Variants in SF3B1 observed in about 807,000 individuals in gnomAD.
SF3B1 encodes the protein pre-mRNA processing 10.
A neutral mutation model predicts 153.8 loss-of-function variants in SF3B1; 12 were observed. That is an observed-to-expected ratio of 0.08 (90% CI 0.05 to 0.13). The LOEUF (loss-of-function observed/expected upper bound fraction) is 0.13. Among genes scored for constraint, SF3B1 ranks in the 10% least tolerant of loss-of-function variants. The probability of loss-of-function intolerance (pLI) is 1.00; values close to 1 mark genes in which losing one functional copy is unlikely to be tolerated. For missense variants in SF3B1, 513 were observed against 1,606.1 expected (o/e 0.32, Z 11.63); for synonymous variants, 498 against 525.2 (o/e 0.95, Z 0.71).
chr2:197,434,930 C>T (rs2106031085), intron 1 of SF3B1, 42 bp downstream of exon 1: 2 of 1,593,610 alleles, frequency 1.3e-6, no homozygotes, highest in African/African-American at 2.7e-5. Flanking sequence ...TTTTATTAGG[C>T]TAGCAACGAA....
In SF3B1 at chr2:197,408,498, C is replaced by T; in HGVS notation, c.988G>A (p.Gly330Arg). Residue 330 changes from glycine (G) to arginine (R), a missense_variant, in exon 8 of 25, where the codon GGA becomes AGA. Around this residue, in one of 21 missense-constraint regions of SF3B1, gnomAD observed 91 missense variants for 157.4 expected, o/e 0.58. Coordinates refer to ENST00000335508, the MANE Select transcript of SF3B1 (RefSeq NM_012433.4). ...GDSIGETPTP[G>R]ASKRKSRWDE... ...CACCGTGATTTTCTTTTACTGGCTC[C>T]AGGAGTCGGTGTTTCACCAATAGAA... 6.2e-7 allele frequency: 1 copy of T among 1,613,800 alleles called. No homozygotes were observed. The highest frequency in any genetic ancestry group is 8.5e-7 in the Non-Finnish European group (1 of 1,180,012).
chr2:197,397,745 C>T (rs1240434247), intron 22 of SF3B1, among the ~76,000 whole-genome samples: 1 of 150,832 alleles, frequency 6.6e-6, no homozygotes. Flanking sequence ...TGCAGTGAGC[C>T]GAGATTGAAT....
In SF3B1 at chr2:197,401,030, T is replaced by A; in HGVS notation, c.2497-94A>T. The A allele has an allele frequency of 1.4e-6, 1 of 711,470 alleles. No individual in the cohort carries two copies. Among genetic ancestry groups the A allele is most frequent in the Non-Finnish European group, 2.3e-6 (1 of 428,228 alleles). 44.1% of individuals were successfully genotyped at this position (711,470 alleles called of 1,614,324 possible). A position where few individuals can be genotyped will look rare whatever the true frequency, so the allele number is the denominator to read the frequency against. The stretch of plus-strand genomic sequence containing the variant: ...AACCAAATACTCTAAATATACTACT[T>A]ATTTAGCTAATAAACATGGTAAGAA... On this transcript the variant is annotated intron_variant, in intron 17 of 24. Coordinates refer to ENST00000335508, the MANE Select transcript of SF3B1 (RefSeq NM_012433.4). This position sits in a 1 kb window ranked among gnomAD's most constrained non-coding sequence, Gnocchi z 4.2.
chr2:197,424,020 A>G (rs754796380), intron 1 of SF3B1, 46 bp from the exon 2 acceptor site: 1 of 1,497,078 alleles, frequency 6.7e-7, no homozygotes, highest in Non-Finnish European at 9.1e-7. Context: ...TTTCCAAAAG[A>G]ACTCCCAACA....
chr2:197,418,950 G>A, intron 4 of SF3B1: 1 of 1,598,224 alleles, frequency 6.3e-7, no homozygotes, highest in Non-Finnish European at 8.5e-7. Flanking sequence ...CAGAATAGAA[G>A]CCTAGAAAAT....
chr2:197,396,268 T>C lies in SF3B1; in HGVS notation c.3327A>G (p.Arg1109=), dbSNP rs146687321. 368 of 1,613,744 alleles carry C rather than the reference T, an allele frequency of 2.3e-4. No individual in the cohort carries two copies. The highest frequency in any genetic ancestry group is 3.1e-4 in the Non-Finnish European group (361 of 1,179,760). ...TAGCTATTGCTACAGTGGTACAAAC[T>C]CTGTTCTGCCTTTCTTGAACTTTGA... ...NNLKVQERQN[R]VCTTVAIAIV... Residue 1109 remains arginine, a synonymous_variant, in exon 23 of 25, where the codon AGA becomes AGG. Transcript: ENST00000335508.
chr2:197,418,264 A>AAAAAAAAAAAAG, intron 5 of SF3B1, among the ~76,000 whole-genome samples: 1 of 144,120 alleles, frequency 6.9e-6, no homozygotes, highest in Non-Finnish European at 1.5e-5. Context: ...AAAAAAAAAA[A>AAAAAAAAAAAAG]TCCCTTGTGA....
rs2084810418 is a variant in SF3B1 at position 197,391,586 on chromosome 2, AC to A, written c.*716del. 6.6e-6 allele frequency: 1 copy of A among 152,266 alleles called. No homozygotes were observed. The highest frequency in any genetic ancestry group is 2.4e-5 in the African/African-American group (1 of 41,476). 9.4% of individuals were successfully genotyped at this position (152,266 alleles called of 1,614,324 possible). On this transcript the variant is annotated 3_prime_UTR_variant, in exon 25 of 25. Coordinates refer to ENST00000335508, the MANE Select transcript of SF3B1 (RefSeq NM_012433.4). ...TAAAGTTAAATTCCTCACTTGCTAAACACAGCAGACCTGTCAAGTGTTGGAC... is the reference window on the plus strand; with the variant it reads ...TAAAGTTAAATTCCTCACTTGCTAAAACAGCAGACCTGTCAAGTGTTGGAC...
chr2:197,392,464 A>G lies in SF3B1; in HGVS notation c.3757-3T>C. The G allele has an allele frequency of 1.4e-6, 2 of 1,440,860 alleles. No homozygotes were observed. The highest frequency in any genetic ancestry group is 1.9e-6 in the Non-Finnish European group (2 of 1,034,444). The allele number at this position is 1,440,860 out of a possible 1,614,324, so 89.3% of individuals were successfully genotyped here. A position where few individuals can be genotyped will look rare whatever the true frequency, so the allele number is the denominator to read the frequency against. On this transcript the variant is annotated splice_polypyrimidine_tract_variant and splice_region_variant and intron_variant, in intron 24 of 24. Transcript: ENST00000335508. ...TTCCGGGCTGGGTGAAACAGACCCT[A>G]AAATAATTGAACGGTTACATTATTT...
chr2:197,401,775 A>G lies in SF3B1; in HGVS notation c.2337T>C (p.Ser779=). The part of the protein sequence containing the change: ...VMLILIREFQ[S]PDEEMKKIVL... ...CAATTTTTTTCATTTCCTCATCAGG[A>G]GACTGGAATTCTCGAATAAGGATTA... The change falls in exon 16 of 25, where the codon TCT becomes TCC. Residue 779 remains serine (S), a synonymous_variant. Transcript: ENST00000335508. This position sits in a 1 kb window ranked among gnomAD's most constrained non-coding sequence, Gnocchi z 4.2. The G allele has an allele frequency of 3.1e-6, 5 of 1,611,244 alleles. No homozygotes were observed. The highest frequency in any genetic ancestry group is 4.2e-6 in the Non-Finnish European group (5 of 1,179,154).
rs753813735 is a variant in SF3B1, at chr2:197,403,575, G to A, written c.1719+10C>T. On this transcript the variant is annotated intron_variant, in intron 12 of 24. Coordinates refer to ENST00000335508, the MANE Select transcript of SF3B1 (RefSeq NM_012433.4). The stretch of plus-strand genomic sequence containing the variant: ...TTAAACTATCAGAAACACTATTAAG[G>A]AGAACAAACCTTATGCACATATGGA... 2.6e-6 allele frequency: 4 copies of A among 1,522,042 alleles called. No homozygotes were observed. The highest frequency in any genetic ancestry group is 2.4e-5 in the East Asian group (1 of 41,152). The allele number at this position is 1,522,042 out of a possible 1,614,324, so 94.3% of individuals were successfully genotyped here.
At chr2:197,415,270 T>A (rs1036466696) in intron 6 of SF3B1, among the ~76,000 whole-genome samples, 2 of 151,710 alleles carry the variant, frequency 1.3e-5, no homozygotes, top group African/African-American at 4.8e-5. Context: ...TTATTTATTT[T>A]GAGACAAAGT....
intron 1 of SF3B1, among the ~76,000 whole-genome samples, chr2:197,425,834 T>C (rs2085327266): frequency 6.6e-6 from 1 of 151,850 alleles, no homozygotes; most frequent in South Asian, 2.1e-4. Context: ...ACCCTATCTC[T>C]ACAAAAAATA....
intron 24 of SF3B1, 22 bp downstream of exon 24, chr2:197,392,950 A>T (rs1376383345): frequency 5.6e-6 from 6 of 1,067,364 alleles, no homozygotes; most frequent in Non-Finnish European, 5.3e-6. Context: ...ATCACCGATT[A>T]AAAAAAAAAT....
chr2:197,410,973 C>G lies in SF3B1; in HGVS notation c.667-966G>C, dbSNP rs150002696. 1.2e-3 allele frequency among the ~76,000 whole-genome samples: 185 copies of G among 152,278 alleles called. 2 individuals carry two copies. Among genetic ancestry groups the G allele is most frequent in the East Asian group, 0.011 (55 of 5,172 alleles). ...TTGTTTTTTGACACAGGGTCTCACT[C>G]TGTCGCCCAGGTTGAGTGCAGTGGC... On this transcript the variant is annotated intron_variant, in intron 6 of 24. Transcript: ENST00000335508.
chr2:197,402,409 CTG>C lies in SF3B1; in HGVS notation c.2077+145_2077+146del. The C allele has an allele frequency of 1.4e-6, 1 of 738,620 alleles. No individual in the cohort carries two copies. Among genetic ancestry groups the C allele is most frequent in the East Asian group, 2.7e-5 (1 of 37,170 alleles). 45.8% of individuals were successfully genotyped at this position (738,620 alleles called of 1,614,324 possible). On this transcript the variant is annotated intron_variant, in intron 14 of 24. Coordinates refer to ENST00000335508, the MANE Select transcript of SF3B1 (RefSeq NM_012433.4). The surrounding 1 kb of genome is among the most constrained non-coding windows in gnomAD (Gnocchi z 4.6). The stretch of plus-strand genomic sequence containing the variant: ...AGCTGTCCTATTAAACATGGACAGG[CTG>C]TGTGTGTACCTCTAGTCCCAACTAC...
chr2:197,418,800 A>G, intron 4 of SF3B1: 1 of 1,492,002 alleles, frequency 6.7e-7, no homozygotes, highest in Non-Finnish European at 8.9e-7. Context: ...CAGCAGTTTA[A>G]AACAAATATT....
intron 4 of SF3B1, chr2:197,419,530 C>T (rs2085207694): frequency 9.1e-6 from 2 of 219,842 alleles, no homozygotes; most frequent in Non-Finnish European, 1.8e-5. Context: ...GTCATTCTTT[C>T]TGACACTAGC....
chr2:197,423,616 C>T (rs2085283783), intron 2 of SF3B1, among the ~76,000 whole-genome samples, 192 bp downstream of exon 2: 1 of 152,116 alleles, frequency 6.6e-6, no homozygotes, highest in Admixed American at 6.6e-5. Flanking sequence ...CTAGTCTTTA[C>T]CATAAATTCT....
Sources: gnomAD v4.1 joint callset for allele counts (sites outside exome capture counted in the v4.1 genomes callset) on GRCh38, gnomAD v4.1.1 for gene constraint, gnomAD v4.1.1 regional missense constraint, Gnocchi (gnomAD v3.1) non-coding constraint, MANE v1.5 for transcripts, NCBI Gene and HGNC (gene_info 2026-07-23, HGNC 2026-07-21) for gene names.